Variants in ATRN observed in about 807,000 individuals in gnomAD.
The protein encoded by ATRN is attractin-2.
In ATRN, 54 loss-of-function variants were observed where a neutral mutation model predicts 178.7. That is an observed-to-expected ratio of 0.30 (90% CI 0.24 to 0.38). The LOEUF is 0.38. ATRN is among the 10% of genes least tolerant of loss of function. The pLI, the probability that ATRN is intolerant of heterozygous loss-of-function variation, is 1.00. For missense variants in ATRN, 1,443 were observed against 1,815.1 expected, an observed-to-expected ratio of 0.79 and a Z score of 3.73; for synonymous variants, 636 against 663.0, an observed-to-expected ratio of 0.96 and a Z score of 0.63.
intron 1 of ATRN, among the ~76,000 whole-genome samples, chr20:3,472,768 T>C (rs2084450311): frequency 6.6e-6 from 1 of 152,066 alleles, no homozygotes; most frequent in Non-Finnish European, 1.5e-5. Flanking sequence ...GGCGGTAACA[T>C]TGGATTTGAG....
At chr20:3,550,634 T>G (rs1568723925) in intron 6 of ATRN, among the ~76,000 whole-genome samples, 1 of 152,210 alleles carries the variant, frequency 6.6e-6, no homozygotes, top group East Asian at 1.9e-4. Context: ...GAATTTAAAG[T>G]CACATCTTAT....
intron 1 of ATRN, among the ~76,000 whole-genome samples, chr20:3,501,514 AC>A (rs1221576874): frequency 6.6e-6 from 1 of 152,190 alleles, no homozygotes; most frequent in Non-Finnish European, 1.5e-5. Flanking sequence ...AAAACAGGCT[AC>A]TAGGGAGATT....
chr20:3,560,617 A>G, intron 7 of ATRN, 45 bp from the exon 8 acceptor site: 3 of 1,463,522 alleles, frequency 2.0e-6, no homozygotes, highest in South Asian at 1.2e-5. Flanking sequence ...CTCAGATTTA[A>G]TCTTTTCAAT....
chr20:3,546,670 C>T (rs551719171), intron 4 of ATRN, among the ~76,000 whole-genome samples: 7 of 152,172 alleles, frequency 4.6e-5, no homozygotes, highest in African/African-American at 1.7e-4. Context: ...AGATTACAGC[C>T]GTGAGCCACT....
intron 1 of ATRN, among the ~76,000 whole-genome samples, chr20:3,522,950 A>G (rs1291137471): frequency 1.3e-5 from 2 of 152,192 alleles, no homozygotes; most frequent in Non-Finnish European, 2.9e-5. Context: ...ATCCACGAAG[A>G]TAAAGAAAAA....
At chr20:3,617,414 G>C (rs1392915001) in intron 24 of ATRN, among the ~76,000 whole-genome samples, 1 of 152,190 alleles carries the variant, frequency 6.6e-6, no homozygotes, top group African/African-American at 2.4e-5. Flanking sequence ...TAAGTGTAGT[G>C]TGGATGAAAC....
At chr20:3,639,619 CTG>C (rs2087052325) in intron 27 of ATRN, among the ~76,000 whole-genome samples, 1 of 151,956 alleles carries the variant, frequency 6.6e-6, no homozygotes, top group Non-Finnish European at 1.5e-5. Flanking sequence ...TATTAATACT[CTG>C]TGGAAAATAT....
At chr20:3,585,229 C>A (rs1284776921) in intron 18 of ATRN, among the ~76,000 whole-genome samples, 2 of 152,140 alleles carry the variant, frequency 1.3e-5, no homozygotes, top group Non-Finnish European at 2.9e-5. Flanking sequence ...TAAGAGCCTG[C>A]CATTGACAAC....
Position 3,545,898 on chromosome 20 carries a change from AC to A in ATRN, c.737+9del. ...ATTTAATATTACTTACAGGTAAGAT[AC>A]TTAAGTCTAGTATTTGTGATTTCAT... On this transcript the variant is annotated intron_variant, in intron 4 of 28. Transcript: ENST00000262919. 1 of 1,612,510 alleles carries A rather than the reference AC, an allele frequency of 6.2e-7. No homozygotes were observed. The highest frequency in any genetic ancestry group is 8.5e-7 in the Non-Finnish European group (1 of 1,178,808).
chr20:3,471,278 G>A lies in ATRN; in HGVS notation c.171G>A (p.Leu57=). Residue 57 remains leucine (L), a synonymous_variant, in exon 1 of 29, where the codon CTG becomes CTA. Coordinates refer to ENST00000262919, the MANE Select transcript of ATRN (RefSeq NM_139321.3). The part of the protein sequence containing the change: ...LRLPRLLSPP[L]RPRLLLLLLL... ...TCCCGCGGCTGCTGTCTCCACCGCT[G>A]CGGCCACGGCTGCTGCTGCTGCTGT... 1 of 1,462,964 alleles carries A rather than the reference G, an allele frequency of 6.8e-7. No homozygotes were observed. Among genetic ancestry groups the A allele is most frequent in the Non-Finnish European group, 9.0e-7 (1 of 1,116,568 alleles). 90.6% of individuals were successfully genotyped at this position (1,462,964 alleles called of 1,614,324 possible).
intron 24 of ATRN, among the ~76,000 whole-genome samples, chr20:3,608,033 T>G (rs534042712): frequency 6.6e-6 from 1 of 152,316 alleles, no homozygotes; most frequent in East Asian, 1.9e-4. Flanking sequence ...CAAATCTCTA[T>G]TCAGATCATT....
chr20:3,630,939 T>TGGGATAGGGG (rs1568774677), intron 25 of ATRN, among the ~76,000 whole-genome samples: 1 of 51,442 alleles, frequency 1.9e-5, no homozygotes, highest in Non-Finnish European at 3.9e-5. Context: ...TTTTTTTTTT[T>TGGGATAGGGG]TTTTTTTTTT....
intron 6 of ATRN, among the ~76,000 whole-genome samples, chr20:3,552,943 C>T (rs565039076): frequency 6.6e-6 from 1 of 152,116 alleles, no homozygotes; most frequent in South Asian, 2.1e-4. Flanking sequence ...ATGGATGTCA[C>T]AGAAATGATA....
At chr20:3,544,694 G>A (rs2146197257) in intron 3 of ATRN, among the ~76,000 whole-genome samples, 2 of 152,212 alleles carry the variant, frequency 1.3e-5, no homozygotes, top group East Asian at 3.9e-4. Context: ...CTTGCTGTTG[G>A]CAGAGTGAAG....
At chr20:3,536,403 G>T (rs1428776654) in intron 2 of ATRN, among the ~76,000 whole-genome samples, 1 of 151,772 alleles carries the variant, frequency 6.6e-6, no homozygotes, top group Non-Finnish European at 1.5e-5. Flanking sequence ...TAGAGACAGG[G>T]TTTCACCATG....
intron 1 of ATRN, among the ~76,000 whole-genome samples, chr20:3,503,505 C>T (rs1306121031): frequency 1.3e-5 from 2 of 151,664 alleles, no homozygotes; most frequent in African/African-American, 4.8e-5. Context: ...AAAATCTCAG[C>T]AAAGAGCCAT....
chr20:3,480,087 G>C (rs894865416), intron 1 of ATRN, among the ~76,000 whole-genome samples: 2 of 152,190 alleles, frequency 1.3e-5, no homozygotes, highest in South Asian at 2.1e-4. Flanking sequence ...CTTGTGAGGG[G>C]TGTAATGGAA....
chr20:3,613,087 C>T (rs910529928), intron 24 of ATRN, among the ~76,000 whole-genome samples: 1 of 152,164 alleles, frequency 6.6e-6, no homozygotes, highest in African/African-American at 2.4e-5. Context: ...TGTTGATTTT[C>T]TTCCTGGTTT....
At chr20:3,542,567 C>T (rs1452245885) in intron 3 of ATRN, among the ~76,000 whole-genome samples, 1 of 145,600 alleles carries the variant, frequency 6.9e-6, no homozygotes, top group African/African-American at 2.6e-5. Flanking sequence ...TTCCACCTCC[C>T]CTTCCCCTTT....
Sources: gnomAD v4.1 joint callset for allele counts (sites outside exome capture counted in the v4.1 genomes callset) on GRCh38, gnomAD v4.1.1 for gene constraint, MANE v1.5 for transcripts, NCBI Gene and HGNC (gene_info 2026-07-23, HGNC 2026-07-21) for gene names.